PTPRT: variants seen among roughly 807,000 people sequenced by gnomAD.
The protein encoded by PTPRT is receptor-type tyrosine-protein phosphatase T.
PTPRT carries 56 observed loss-of-function variants against 176.8 expected under a neutral mutation model. That is an observed-to-expected ratio of 0.32 (90% CI 0.26 to 0.40). The LOEUF is 0.40. PTPRT is among the 10% of genes least tolerant of loss of function. PTPRT has a pLI of 1.00. For missense variants in PTPRT, 1,540 were observed against 1,908.2 expected (o/e 0.81, Z 3.60); for synonymous variants, 783 against 739.0 (o/e 1.06, Z -0.96).
chr20:42,701,800 C>A (rs867668604), intron 6 of PTPRT, among the ~76,000 whole-genome samples: 1 of 152,046 alleles, frequency 6.6e-6, no homozygotes. Context: ...TTTTCATAGT[C>A]CTCACACTAA....
At chr20:42,484,521 G>A (rs1378980287) in intron 7 of PTPRT, among the ~76,000 whole-genome samples, 1 of 152,132 alleles carries the variant, frequency 6.6e-6, no homozygotes, top group Non-Finnish European at 1.5e-5. Flanking sequence ...ATTGCCAGAA[G>A]CCCAATTCTG....
intron 1 of PTPRT, among the ~76,000 whole-genome samples, chr20:43,151,388 A>G (rs1464271077): frequency 6.6e-6 from 1 of 151,650 alleles, no homozygotes; most frequent in Non-Finnish European, 1.5e-5. Context: ...GAGAGTTAAT[A>G]AAGAGGTGGG....
At chr20:43,106,525 C>A (rs1273430737) in intron 1 of PTPRT, among the ~76,000 whole-genome samples, 1 of 151,712 alleles carries the variant, frequency 6.6e-6, no homozygotes, top group Non-Finnish European at 1.5e-5. Context: ...GGCGTGATGG[C>A]GGGCACCTGT....
intron 6 of PTPRT, among the ~76,000 whole-genome samples, chr20:42,741,350 G>A (rs1228031053): frequency 2.0e-5 from 3 of 152,062 alleles, no homozygotes; most frequent in Non-Finnish European, 2.9e-5. Flanking sequence ...TGTCTTTTCT[G>A]TTCTTTTTTT....
chr20:42,033,838 C>G, the PTPRT span, among the ~76,000 whole-genome samples: 1 of 152,180 alleles, frequency 6.6e-6, no homozygotes, highest in African/African-American at 2.4e-5. Context: ...TGTGATGCCA[C>G]AGAATGCCAT....
At chr20:42,136,525 C>T (rs543183495) in intron 18 of PTPRT, among the ~76,000 whole-genome samples, 165 of 152,164 alleles carry the variant, frequency 1.1e-3, no homozygotes, top group African/African-American at 3.7e-3. Flanking sequence ...CAGATCCATG[C>T]TGGCTGAAAT....
At position 42,104,657 on chromosome 20, in the gene PTPRT, A is replaced by G. The variant is rs769386802; in HGVS notation, c.3452T>C (p.Ile1151Thr). The stretch of plus-strand genomic sequence containing the variant: ...GAGAGAACGGAACTCACACACAGGG[A>G]TGGCAGTGTTGCCACAGAGGCACGC... ...LEACLCGNTAIPVCEFRSLYY... is the reference protein window; with the variant it reads ...LEACLCGNTATPVCEFRSLYY... Residue 1151 changes from isoleucine to threonine, a missense_variant, in exon 25 of 31, where the codon ATC (isoleucine) becomes ACC (threonine). Physicochemically the swap from Ile to Thr is moderately conservative, Grantham distance 89. Coordinates refer to ENST00000373187, the MANE Select transcript of PTPRT (RefSeq NM_007050.6). The G allele has an allele frequency of 3.1e-6, 5 of 1,598,254 alleles. No homozygotes were observed. The highest frequency in any genetic ancestry group is 4.3e-6 in the Non-Finnish European group (5 of 1,165,514).
chr20:42,446,762 G>A (rs1177755579), intron 9 of PTPRT, among the ~76,000 whole-genome samples: 1 of 152,074 alleles, frequency 6.6e-6, no homozygotes, highest in Non-Finnish European at 1.5e-5. Context: ...GTATTAGTAT[G>A]AGTACCTGCC....
chr20:42,713,130 T>C (rs59581792), intron 6 of PTPRT, among the ~76,000 whole-genome samples: 16,433 of 149,822 alleles, frequency 0.11, 1,128 homozygotes, highest in African/African-American at 0.19. Context: ...AAGATATACA[T>C]ACACATACAC....
intron 2 of PTPRT, among the ~76,000 whole-genome samples, chr20:42,833,165 CTGA>C (rs1463115119): frequency 6.6e-6 from 1 of 151,346 alleles, no homozygotes; most frequent in Non-Finnish European, 1.5e-5. Flanking sequence ...ATTTCTAGAA[CTGA>C]TGATAACAAA....
intron 8 of PTPRT, among the ~76,000 whole-genome samples, chr20:42,466,900 C>A (rs2145907453): frequency 6.6e-6 from 1 of 152,072 alleles, no homozygotes; most frequent in African/African-American, 2.4e-5. Context: ...TTTTGTTGTG[C>A]CAGAAGCAAG....
At chr20:42,114,351 G>A (rs145042301) in intron 22 of PTPRT, among the ~76,000 whole-genome samples, 61 of 152,248 alleles carry the variant, frequency 4.0e-4, no homozygotes, top group Non-Finnish European at 8.1e-4. Flanking sequence ...GTTACTCTAC[G>A]CAAAGCATTT....
At chr20:42,835,462 T>G (rs1425792310) in intron 2 of PTPRT, among the ~76,000 whole-genome samples, 16 of 152,026 alleles carry the variant, frequency 1.1e-4, no homozygotes, top group Admixed American at 1.0e-3. Flanking sequence ...AGAAAAGGAC[T>G]AGCAGAATGC....
At chr20:42,628,891 A>C (rs1019510937) in intron 7 of PTPRT, among the ~76,000 whole-genome samples, 7 of 152,210 alleles carry the variant, frequency 4.6e-5, no homozygotes, top group Admixed American at 1.3e-4. Flanking sequence ...ATATTTACTA[A>C]CTGGCCCTTA....
intron 1 of PTPRT, among the ~76,000 whole-genome samples, chr20:42,984,677 T>C (rs778732327): frequency 7.1e-4 from 108 of 152,218 alleles, no homozygotes; most frequent in Non-Finnish European, 7.8e-4. Context: ...GTAGGAATCA[T>C]TGCTTTTATT....
rs2011501913 is a variant in PTPRT at position 43,083,339 on chromosome 20, T to TATAC, written c.88+106306_88+106307insGTAT. 4.6e-5 allele frequency among the ~76,000 whole-genome samples: 5 copies of TATAC among 109,244 alleles called. 1 individual carries two copies. The highest frequency in any genetic ancestry group is 9.5e-5 in the Non-Finnish European group (5 of 52,410). The allele number at this position is 109,244 out of a possible 152,430, so 71.7% of individuals were successfully genotyped here. A position where few individuals can be genotyped will look rare whatever the true frequency, so the allele number is the denominator to read the frequency against. On this transcript the variant is annotated intron_variant, in intron 1 of 30. Coordinates refer to ENST00000373187, the MANE Select transcript of PTPRT (RefSeq NM_007050.6). ...TCAAATGTATATATATATATATATA[T>TATAC]ATATATATATATATATATATATATA... is the stretch of plus-strand genomic sequence containing the variant.
At chr20:42,834,361 A>G (rs1410940584) in intron 2 of PTPRT, among the ~76,000 whole-genome samples, 1 of 152,194 alleles carries the variant, frequency 6.6e-6, no homozygotes. Flanking sequence ...AAAGGAAAAA[A>G]AATGCTAACT....
At chr20:42,514,165 T>A (rs2072015872) in intron 7 of PTPRT, among the ~76,000 whole-genome samples, 1 of 152,216 alleles carries the variant, frequency 6.6e-6, no homozygotes, top group Non-Finnish European at 1.5e-5. Context: ...ATGGCTAAAA[T>A]ATACGATATA....
intron 14 of PTPRT, among the ~76,000 whole-genome samples, chr20:42,241,566 A>G (rs547185538): frequency 6.6e-6 from 1 of 152,278 alleles, no homozygotes; most frequent in East Asian, 1.9e-4. Flanking sequence ...ACTGGCCAAC[A>G]CAAGAAATAC....
Sources: allele counts gnomAD v4.1 joint callset (sites outside exome capture counted in the v4.1 genomes callset), GRCh38; gene constraint gnomAD v4.1.1; transcripts MANE v1.5; gene names NCBI Gene and HGNC (gene_info 2026-07-23, HGNC 2026-07-21).